TANK: variants seen among roughly 807,000 people sequenced by gnomAD.
TANK encodes TRAF family member-associated NF-kappa-B activator.
A neutral mutation model predicts 43.6 loss-of-function variants in TANK; 15 were observed. That is an observed-to-expected ratio of 0.34 (90% CI 0.23 to 0.53). TANK has a LOEUF of 0.53. TANK is among the 20% of genes least tolerant of loss of function. The probability of loss-of-function intolerance (pLI) is 0.94; values close to 1 mark genes in which losing one functional copy is unlikely to be tolerated. For missense variants in TANK, 417 were observed against 498.6 expected, an observed-to-expected ratio of 0.84 and a Z score of 1.56; for synonymous variants, 162 against 178.2, an observed-to-expected ratio of 0.91 and a Z score of 0.73.
chr2:161,214,904 A>G (rs909496373), intron 4 of TANK, among the ~76,000 whole-genome samples: 4 of 152,176 alleles, frequency 2.6e-5, no homozygotes, highest in Non-Finnish European at 4.4e-5. Flanking sequence ...TATACATGCA[A>G]TGGTTACATT....
rs772930783 is a variant in TANK at position 161,179,660 on chromosome 2, G to C, written c.-3G>C. 1.9e-6 allele frequency: 3 copies of C among 1,612,998 alleles called. No individual in the cohort carries two copies. The Admixed American group carries it at 5.0e-5, about 27-fold the overall frequency. ...TTATAGTGATGCTACAGGACGAAGA[G>C]GAATGGATAAAAACATTGGCGAGCA... On this transcript the variant is annotated 5_prime_UTR_variant, in exon 2 of 8. Transcript: ENST00000392749.
At chr2:161,193,110 T>C (rs1209463259) in intron 2 of TANK, among the ~76,000 whole-genome samples, 1 of 152,198 alleles carries the variant, frequency 6.6e-6, no homozygotes, top group African/African-American at 2.4e-5. Flanking sequence ...GCCAGGGACA[T>C]CATATATGCT....
In TANK at chr2:161,235,970, T is replaced by C. The variant is rs1472377003; in HGVS notation, c.*452T>C. On this transcript the variant is annotated 3_prime_UTR_variant, in exon 8 of 8. Coordinates refer to ENST00000392749, the MANE Select transcript of TANK (RefSeq NM_001199135.3). ...ATTTAATTATTTATGCTATAGGTGA[T>C]ATTCTCTTTGAATAAACCTATAATA... The C allele has an allele frequency of 6.6e-6, 1 of 152,338 alleles. No homozygotes were observed. Among genetic ancestry groups the C allele is most frequent in the African/African-American group, 2.4e-5 (1 of 41,466 alleles). The allele number at this position is 152,338 out of a possible 1,614,324, so 9.4% of individuals were successfully genotyped here.
intron 7 of TANK, among the ~76,000 whole-genome samples, chr2:161,234,582 G>A (rs963614524): frequency 1.3e-4 from 20 of 152,178 alleles, no homozygotes; most frequent in African/African-American, 4.6e-4. Flanking sequence ...TTATAGTGGA[G>A]GTGGTTCTGT....
chr2:161,228,207 G>A (rs577753512), intron 6 of TANK, among the ~76,000 whole-genome samples: 1 of 152,294 alleles, frequency 6.6e-6, no homozygotes, highest in East Asian at 1.9e-4. Flanking sequence ...CATATACAAT[G>A]ATGGCCCCAT....
chr2:161,150,932 T>G (rs1684062612), intron 1 of TANK, among the ~76,000 whole-genome samples: 1 of 152,208 alleles, frequency 6.6e-6, no homozygotes, highest in Non-Finnish European at 1.5e-5. Flanking sequence ...CTATTAATTT[T>G]CCTCTGAGCA....
chr2:161,207,671 C>G (rs1558996344), intron 4 of TANK: 1 of 985,148 alleles, frequency 1.0e-6, no homozygotes, highest in South Asian at 4.7e-5. Flanking sequence ...AAAATATGTT[C>G]CATTGGCCTA....
At chr2:161,193,555 A>G (rs1686013335) in intron 2 of TANK, among the ~76,000 whole-genome samples, 1 of 152,222 alleles carries the variant, frequency 6.6e-6, no homozygotes, top group Non-Finnish European at 1.5e-5. Flanking sequence ...CCCTGTCTTT[A>G]TTTAAAAATA....
intron 2 of TANK, among the ~76,000 whole-genome samples, chr2:161,200,771 A>G (rs1311932524): frequency 6.7e-6 from 1 of 149,090 alleles, no homozygotes. Context: ...TTCTGAAAGC[A>G]TATCTGTTCC....
At chr2:161,199,627 CTTTT>C (rs1261583802) in intron 2 of TANK, among the ~76,000 whole-genome samples, 1 of 152,136 alleles carries the variant, frequency 6.6e-6, no homozygotes, top group African/African-American at 2.4e-5. Flanking sequence ...TTAAAATAAA[CTTTT>C]TGCTTTGCTT....
upstream of TANK, chr2:161,156,306 A>T (rs1448654420): frequency 2.0e-6 from 2 of 985,330 alleles, no homozygotes; most frequent in African/African-American, 3.5e-5. Flanking sequence ...TCCAAATTAT[A>T]TGTGAATTTT....
upstream of TANK, chr2:161,159,029 A>G (rs1463297286): frequency 1.3e-5 from 2 of 152,252 alleles, no homozygotes; most frequent in East Asian, 3.8e-4. Context: ...GCCAAAATCC[A>G]GAACACTTAC....
At position 161,231,037 on chromosome 2, in the gene TANK, C is replaced by T. The variant is rs1687886635; in HGVS notation, c.587C>T (p.Pro196Leu). 6.2e-7 allele frequency: 1 copy of T among 1,613,900 alleles called. No individual in the cohort carries two copies. The highest frequency in any genetic ancestry group is 1.3e-5 in the African/African-American group (1 of 74,866). The change falls in exon 7 of 8, where the codon CCT becomes CTT. Residue 196 changes from proline to leucine, a missense_variant. By Grantham distance (98) the Pro-to-Leu change is moderately conservative. Transcript: ENST00000392749. ...GATAAACAAGAAGCGCTGTTTAAGC[C>T]TCAGGCTAAAGATGATATAAATAGA... ...KTDKQEALFKPQAKDDINRGA... is the reference protein window; with the variant it reads ...KTDKQEALFKLQAKDDINRGA...
upstream of TANK, among the ~76,000 whole-genome samples, chr2:161,157,928 C>A (rs1321855843): frequency 6.6e-6 from 1 of 152,260 alleles, no homozygotes; most frequent in African/African-American, 2.4e-5. Flanking sequence ...AAGTGATCAG[C>A]CCGCCTTGGC....
intron 4 of TANK, among the ~76,000 whole-genome samples, chr2:161,217,394 TC>T (rs759638084): frequency 1.4e-4 from 22 of 152,294 alleles, no homozygotes; most frequent in Admixed American, 2.6e-4. Flanking sequence ...TCTTGGTTCT[TC>T]CAGCCAGAAT....
At chr2:161,163,804 G>T (rs567181709) in intron 1 of TANK, among the ~76,000 whole-genome samples, 1 of 152,166 alleles carries the variant, frequency 6.6e-6, no homozygotes, top group Non-Finnish European at 1.5e-5. Flanking sequence ...TATGTGCATG[G>T]TATGTGCACG....
At chr2:161,170,912 A>C (rs1297019960) in intron 1 of TANK, among the ~76,000 whole-genome samples, 1 of 152,240 alleles carries the variant, frequency 6.6e-6, no homozygotes, top group African/African-American at 2.4e-5. Context: ...TCTGATCTAA[A>C]TTGCCTTAGC....
chr2:161,141,089 T>C (rs1472867028), intron 1 of TANK, among the ~76,000 whole-genome samples: 3 of 152,308 alleles, frequency 2.0e-5, no homozygotes, highest in African/African-American at 7.2e-5. Context: ...ACAAAACTAA[T>C]CATTTTAAAA....
chr2:161,228,170 A>G (rs904609317), intron 6 of TANK, among the ~76,000 whole-genome samples: 1 of 152,232 alleles, frequency 6.6e-6, no homozygotes, highest in South Asian at 2.1e-4. Context: ...CATGTGCCAA[A>G]TGACATTTTC....
Sources: gnomAD v4.1 joint callset for allele counts (sites outside exome capture counted in the v4.1 genomes callset) on GRCh38, gnomAD v4.1.1 for gene constraint, MANE v1.5 for transcripts, NCBI Gene and HGNC (gene_info 2026-07-23, HGNC 2026-07-21) for gene names.